Variants in LRRIQ1 observed in about 807,000 individuals in gnomAD.
LRRIQ1 encodes leucine rich repeats and IQ motif containing 1, also known as leucine-rich repeat- and IQ domain-containing protein 1.
LRRIQ1 carries 210 observed loss-of-function variants against 211.9 expected under a neutral mutation model. That is an observed-to-expected ratio of 0.99 (90% CI 0.89 to 1.11). LRRIQ1 has a LOEUF of 1.11. Among genes scored for constraint, LRRIQ1 ranks in the 50% most tolerant of loss-of-function variants. The pLI, the probability that LRRIQ1 is intolerant of heterozygous loss-of-function variation, is 0.00. For missense variants in LRRIQ1, 2,136 were observed against 1,939.5 expected (o/e 1.10, Z -1.90); for synonymous variants, 699 against 650.1 (o/e 1.08, Z -1.14).
At chr12:85,110,640 A>G (rs1336372810) in intron 15 of LRRIQ1, among the ~76,000 whole-genome samples, 1 of 152,168 alleles carries the variant, frequency 6.6e-6, no homozygotes, top group Non-Finnish European at 1.5e-5. Context: ...ATCTCAGTTT[A>G]GTGTGACAAG....
intron 24 of LRRIQ1, among the ~76,000 whole-genome samples, chr12:85,161,625 T>C (rs1187100085): frequency 6.6e-6 from 1 of 152,128 alleles, no homozygotes; most frequent in African/African-American, 2.4e-5. Flanking sequence ...TGATTTACAT[T>C]TCTGTTTTGT....
intron 23 of LRRIQ1, among the ~76,000 whole-genome samples, chr12:85,160,039 A>G (rs1334821127): frequency 2.0e-5 from 3 of 152,142 alleles, no homozygotes; most frequent in Middle Eastern, 3.4e-3. Context: ...ATGCTGGAGA[A>G]TAGCTATGCA....
intron 11 of LRRIQ1, among the ~76,000 whole-genome samples, chr12:85,079,741 T>G (rs937356064): frequency 1.3e-5 from 2 of 152,152 alleles, no homozygotes; most frequent in Admixed American, 6.5e-5. Flanking sequence ...TCTTACTATT[T>G]TTTATTCTGT....
chr12:85,079,890 C>A (rs1884087278), intron 11 of LRRIQ1, among the ~76,000 whole-genome samples: 2 of 151,540 alleles, frequency 1.3e-5, no homozygotes, highest in African/African-American at 4.8e-5. Flanking sequence ...ATGACTATAC[C>A]AATGGTAGTA....
intron 15 of LRRIQ1, among the ~76,000 whole-genome samples, chr12:85,117,451 A>C (rs1368157881): frequency 6.6e-6 from 1 of 152,228 alleles, no homozygotes; most frequent in East Asian, 1.9e-4. Context: ...AAAAAGATAC[A>C]ACTTAAAAAA....
rs1208567128 is a variant in LRRIQ1, at chr12:85,153,731, A to C, written c.4610A>C (p.Glu1537Ala). The C allele has an allele frequency of 1.7e-5, 27 of 1,571,320 alleles. No individual in the cohort carries two copies. Among genetic ancestry groups the C allele is most frequent in the Non-Finnish European group, 2.3e-5 (27 of 1,159,982 alleles). Reference sequence around the variant, plus strand: ...AGTAGAAAGAGTTTGCTAAAATCTGAAAAAGAAAAAAAAATTTCAGAAGAA... The same window carrying C: ...AGTAGAAAGAGTTTGCTAAAATCTGCAAAAGAAAAAAAAATTTCAGAAGAA... ...KTSRKSLLKS[E>A]KEKKISEEWG... The change falls in exon 22 of 27, where the codon GAA (glutamate) becomes GCA (alanine). Residue 1537 changes from glutamate (E) to alanine (A), a missense_variant. Coordinates refer to ENST00000393217, the MANE Select transcript of LRRIQ1 (RefSeq NM_001079910.2).
chr12:85,236,813 ATGTATG>A (rs1262339233), intron 26 of LRRIQ1, among the ~76,000 whole-genome samples: 1 of 130,514 alleles, frequency 7.7e-6, no homozygotes, highest in Non-Finnish European at 1.6e-5. Flanking sequence ...TTCTGGATAT[ATGTATG>A]TGTATGTGTG....
rs747105725 is a variant in LRRIQ1 at position 85,046,122 on chromosome 12, GA to G, written c.441del (p.Glu147AspfsTer10). The part of the protein sequence containing the change: ...EPSPHDLPMD[E>X]HVLPDDADIN... ...TAGTCCTCATGACTTGCCTATGGATGAACATGTTTTACCAGGTGGACTAAAT... is the reference window on the plus strand; with the variant it reads ...TAGTCCTCATGACTTGCCTATGGATGACATGTTTTACCAGGTGGACTAAAT... On this transcript the variant is annotated frameshift_variant, in exon 5 of 27. Coordinates refer to ENST00000393217, the MANE Select transcript of LRRIQ1 (RefSeq NM_001079910.2). LOFTEE classifies it high-confidence loss of function. The G allele has an allele frequency of 4.4e-6, 7 of 1,597,360 alleles. No individual in the cohort carries two copies. Among genetic ancestry groups the G allele is most frequent in the African/African-American group, 2.7e-5 (2 of 74,516 alleles).
At chr12:85,098,697 ACAG>A (rs1219164165) in intron 12 of LRRIQ1, 149 bp downstream of exon 12, 4 of 723,898 alleles carry the variant, frequency 5.5e-6, no homozygotes, top group African/African-American at 1.8e-5. Flanking sequence ...TAAATATTAT[ACAG>A]TTAATTAATA....
rs757550294 is a variant in LRRIQ1 at position 85,124,092 on chromosome 12, G to C, written c.3580G>C (p.Ala1194Pro). Residue 1194 changes from alanine to proline, a missense_variant, in exon 17 of 27, where the codon GCA becomes CCA. Coordinates refer to ENST00000393217, the MANE Select transcript of LRRIQ1 (RefSeq NM_001079910.2). The stretch of plus-strand genomic sequence containing the variant: ...CAGAGATGTATTTACCTTGGATACT[G>C]CAGAAAATCTCTGTCATTATTTTAA... ...GKGDVFTLDTAENLCHYFKKL... is the reference protein window; with the variant it reads ...GKGDVFTLDTPENLCHYFKKL... 6.2e-7 allele frequency: 1 copy of C among 1,611,362 alleles called. No individual in the cohort carries two copies. The highest frequency in any genetic ancestry group is 8.5e-7 in the Non-Finnish European group (1 of 1,177,684).
chr12:85,254,214 C>T (rs957960778), intron 1 of LRRIQ1, among the ~76,000 whole-genome samples: 1 of 152,066 alleles, frequency 6.6e-6, no homozygotes, highest in African/African-American at 2.4e-5. Flanking sequence ...CATCATGCTT[C>T]CTGTACAGCC....
chr12:85,085,607 A>T (rs1330337465), intron 11 of LRRIQ1, among the ~76,000 whole-genome samples: 1 of 152,148 alleles, frequency 6.6e-6, no homozygotes, highest in Non-Finnish European at 1.5e-5. Flanking sequence ...CCCCTCTGGT[A>T]GTTTCTACTA....
intron 16 of LRRIQ1, among the ~76,000 whole-genome samples, chr12:85,123,334 T>C (rs1888122802): frequency 6.6e-6 from 1 of 151,986 alleles, no homozygotes; most frequent in Non-Finnish European, 1.5e-5. Flanking sequence ...ATATTAAATA[T>C]AGCCAGAAAA....
In LRRIQ1 at chr12:85,055,537, T is replaced by G. The variant is rs1175134203; in HGVS notation, c.754-10T>G. On this transcript the variant is annotated splice_polypyrimidine_tract_variant and intron_variant, in intron 7 of 26. Coordinates refer to ENST00000393217, the MANE Select transcript of LRRIQ1 (RefSeq NM_001079910.2). ...TTATGCTGACTACCATGTATCTTACTTTGTTTTAGGAGTATATTAGAAACT... is the reference window on the plus strand; with the variant it reads ...TTATGCTGACTACCATGTATCTTACGTTGTTTTAGGAGTATATTAGAAACT... 1.4e-6 allele frequency: 2 copies of G among 1,469,614 alleles called. No individual in the cohort carries two copies. Among genetic ancestry groups the G allele is most frequent in the African/African-American group, 2.9e-5 (2 of 69,518 alleles). The allele number at this position is 1,469,614 out of a possible 1,614,324, so 91.0% of individuals were successfully genotyped here. A position where few individuals can be genotyped will look rare whatever the true frequency, so the allele number is the denominator to read the frequency against.
intron 24 of LRRIQ1, among the ~76,000 whole-genome samples, chr12:85,174,108 A>C (rs1891562999): frequency 6.6e-6 from 1 of 152,124 alleles, no homozygotes; most frequent in Non-Finnish European, 1.5e-5. Context: ...TAGGGAAAAA[A>C]GTAGCAAGCA....
In LRRIQ1 at chr12:85,124,060, A is replaced by C; in HGVS notation, c.3558-10A>C. The C allele has an allele frequency of 6.3e-7, 1 of 1,578,070 alleles. No homozygotes were observed. Among genetic ancestry groups the C allele is most frequent in the East Asian group, 2.2e-5 (1 of 44,718 alleles). Reference sequence around the variant, plus strand: ...TTCTTATTAAATGTTCTCATCATTTATTTGTTCAGAGATGTATTTACCTTG... The same window carrying C: ...TTCTTATTAAATGTTCTCATCATTTCTTTGTTCAGAGATGTATTTACCTTG... On this transcript the variant is annotated splice_polypyrimidine_tract_variant and intron_variant, in intron 16 of 26. Transcript: ENST00000393217.
rs571565355 is a variant in LRRIQ1, at chr12:85,256,114, G to A, written c.122-6801G>A. ...TTAGTAACTACAGAATAATGTTTAC[G>A]GAGCTAAGACAGTAGCTAGTTTCAA... On this transcript the variant is annotated intron_variant, in intron 1 of 1. Transcript: ENST00000602731. Among the ~76,000 whole-genome samples, 59 of 151,656 alleles carry A rather than the reference G, an allele frequency of 3.9e-4. 1 individual carries two copies. The highest frequency in any genetic ancestry group is 1.2e-3 in the African/African-American group (51 of 41,464).
chr12:85,203,119 C>T (rs1438988041), intron 24 of LRRIQ1, among the ~76,000 whole-genome samples: 1 of 152,076 alleles, frequency 6.6e-6, no homozygotes, highest in Non-Finnish European at 1.5e-5. Context: ...ATAGTGTTCT[C>T]GTGGTAGTGA....
chr12:85,182,324 A>G (rs1892018716), intron 24 of LRRIQ1, among the ~76,000 whole-genome samples: 1 of 152,136 alleles, frequency 6.6e-6, no homozygotes. Flanking sequence ...AAAAATGTTG[A>G]AGAAATAGAA....
Sources: allele counts gnomAD v4.1 joint callset (sites outside exome capture counted in the v4.1 genomes callset), GRCh38; gene constraint gnomAD v4.1.1; transcripts MANE v1.5; gene names NCBI Gene and HGNC (gene_info 2026-07-23, HGNC 2026-07-21).